The following XRCC2 variants were observed in gnomAD, a reference collection of about 807,000 sequenced individuals.
XRCC2 encodes the protein DNA repair protein XRCC2.
In XRCC2, 24 loss-of-function variants were observed where a neutral mutation model predicts 27.3. The observed-to-expected ratio is 0.88, with a 90% CI of 0.64 to 1.24. XRCC2 has a LOEUF of 1.24. Ranked by LOEUF, XRCC2 falls within the 50% of genes most tolerant of loss-of-function variation. The pLI is 0.00. For missense variants in XRCC2, 321 were observed against 325.8 expected (o/e 0.99, Z 0.11); for synonymous variants, 106 against 115.4 (o/e 0.92, Z 0.52).
chr7:152,652,862 G>C (rs965384440), intron 2 of XRCC2, among the ~76,000 whole-genome samples: 22 of 152,322 alleles, frequency 1.4e-4, no homozygotes, highest in African/African-American at 5.1e-4. Context: ...CAGGTGGAGT[G>C]TGTGGCTTTG....
At position 152,648,866 on chromosome 7, in the gene XRCC2, C is replaced by G. The variant is rs779225995; in HGVS notation, c.619G>C (p.Glu207Gln). The G allele has an allele frequency of 8.7e-6, 14 of 1,613,968 alleles. No homozygotes were observed. Among genetic ancestry groups the G allele is most frequent in the Non-Finnish European group, 1.2e-5 (14 of 1,179,874 alleles). The change falls in exon 3 of 3, where the codon GAA becomes CAA. Residue 207 changes from glutamate (E) to glutamine (Q), a missense_variant. Glu to Gln is a conservative substitution (Grantham distance 29). Coordinates refer to ENST00000359321, the MANE Select transcript of XRCC2 (RefSeq NM_005431.2). ...CGTCGAGAGGCATGAGAAGGTTCTT[C>G]TGATGAGCTCGAGGCTTTCTGCATT... ...TIMQKASSSS[E>Q]EPSHASRRLC...
At chr7:152,667,705 C>T (rs941503758) in intron 1 of XRCC2, among the ~76,000 whole-genome samples, 4 of 151,964 alleles carry the variant, frequency 2.6e-5, no homozygotes, top group Non-Finnish European at 4.4e-5. Flanking sequence ...ATAATATTAA[C>T]AATTCACAAG....
At chr7:152,656,958 C>G (rs2098030924) in intron 2 of XRCC2, among the ~76,000 whole-genome samples, 1 of 151,976 alleles carries the variant, frequency 6.6e-6, no homozygotes, top group African/African-American at 2.4e-5. Flanking sequence ...CAGTACAGGC[C>G]AGGTATGGTG....
At chr7:152,674,919 T>C in intron 1 of XRCC2, among the ~76,000 whole-genome samples, 1 of 151,652 alleles carries the variant, frequency 6.6e-6, no homozygotes, top group South Asian at 2.1e-4. Flanking sequence ...CGCTGCCATG[T>C]GCCTTTATTT....
chr7:152,654,234 A>T (rs1590131804), intron 2 of XRCC2, among the ~76,000 whole-genome samples: 3 of 150,654 alleles, frequency 2.0e-5, no homozygotes, highest in East Asian at 3.9e-4. Flanking sequence ...GATGGTAGGT[A>T]ATAAGGGGCT....
chr7:152,664,891 T>C (rs3218448), intron 1 of XRCC2, among the ~76,000 whole-genome samples: 1 of 152,102 alleles, frequency 6.6e-6, no homozygotes, highest in Non-Finnish European at 1.5e-5. Flanking sequence ...ATCCTAGGAA[T>C]TGAGCAAACA....
rs1057521891 is a variant in XRCC2 at position 152,676,030 on chromosome 7, G to T, written c.39+11C>A. The T allele has an allele frequency of 1.2e-6, 2 of 1,613,708 alleles. No individual in the cohort carries two copies. The highest frequency in any genetic ancestry group is 3.3e-5 in the Admixed American group (2 of 60,032). On this transcript the variant is annotated intron_variant, in intron 1 of 2. Coordinates refer to ENST00000359321, the MANE Select transcript of XRCC2 (RefSeq NM_005431.2). ...TCCCATCTCCCTCACTCCCAACCCG[G>T]CGGCTCTCACCTCGGTCCCAGACTC...
chr7:152,670,447 T>G (rs2098037697), intron 1 of XRCC2, among the ~76,000 whole-genome samples: 1 of 152,142 alleles, frequency 6.6e-6, no homozygotes, highest in Admixed American at 6.6e-5. Flanking sequence ...AACCTCCAAC[T>G]ATTTAGAAGT....
chr7:152,672,985 C>A (rs1054352106), intron 1 of XRCC2, among the ~76,000 whole-genome samples: 3 of 152,048 alleles, frequency 2.0e-5, no homozygotes, highest in African/African-American at 7.2e-5. Flanking sequence ...CAAAATACTG[C>A]CCAAATCACT....
intron 2 of XRCC2, among the ~76,000 whole-genome samples, chr7:152,656,068 G>A (rs571784622): frequency 1.3e-5 from 2 of 152,310 alleles, no homozygotes; most frequent in Admixed American, 1.3e-4. Context: ...CCTGCTGAAG[G>A]CATGAGGGGA....
At position 152,647,359 on chromosome 7, in the gene XRCC2, ACT is replaced by A. The variant is rs1159416979; in HGVS notation, c.*1281_*1282del. The A allele has an allele frequency of 1.3e-5, 2 of 149,552 alleles. No individual in the cohort carries two copies. Among genetic ancestry groups the A allele is most frequent in the Non-Finnish European group, 2.9e-5 (2 of 67,974 alleles). 9.3% of individuals were successfully genotyped at this position (149,552 alleles called of 1,614,324 possible). On this transcript the variant is annotated 3_prime_UTR_variant, in exon 3 of 3. Transcript: ENST00000359321. ...CTCCCATTCTGTAAGCTGTCTGTTTACTCTCTTGATAGTTTCTTTTGCTGTGC... is the reference window on the plus strand; with the variant it reads ...CTCCCATTCTGTAAGCTGTCTGTTTACTCTTGATAGTTTCTTTTGCTGTGC...
Position 152,657,472 on chromosome 7 carries a change from G to A in XRCC2, c.121+3229C>T, listed in dbSNP as rs3218485. Among the ~76,000 whole-genome samples the A allele has an allele frequency of 3.3e-3, 508 of 151,820 alleles. 22 individuals are homozygous for A. The East Asian group carries it at 0.089, about 27-fold the overall frequency. ...CCGCCATCATGCCCAGCTAATTTTTGTAGAGATGAGGTTTCACCATGTTGG... is the reference window on the plus strand; with the variant it reads ...CCGCCATCATGCCCAGCTAATTTTTATAGAGATGAGGTTTCACCATGTTGG... On this transcript the variant is annotated intron_variant, in intron 2 of 2. Coordinates refer to ENST00000359321, the MANE Select transcript of XRCC2 (RefSeq NM_005431.2).
chr7:152,675,966 C>A, intron 1 of XRCC2, 75 bp downstream of exon 1: 3 of 1,598,218 alleles, frequency 1.9e-6, no homozygotes, highest in Non-Finnish European at 2.6e-6. Flanking sequence ...CCCAATCCCC[C>A]GGGTTCCCTC....
intron 1 of XRCC2, among the ~76,000 whole-genome samples, chr7:152,663,202 C>T (rs2098034055): frequency 2.6e-5 from 4 of 151,968 alleles, no homozygotes. Flanking sequence ...TAGTTTGATA[C>T]TAAGGTCCTA....
At chr7:152,649,983 G>A (rs540597574) in intron 2 of XRCC2, among the ~76,000 whole-genome samples, 1 of 152,312 alleles carries the variant, frequency 6.6e-6, no homozygotes, top group South Asian at 2.1e-4. Flanking sequence ...AAGGTACCCA[G>A]GACTCTGGGC....
chr7:152,674,754 T>A lies in XRCC2; in HGVS notation c.39+1287A>T, dbSNP rs867547911. Among the ~76,000 whole-genome samples the A allele has an allele frequency of 7.2e-3, 801 of 110,988 alleles. 62 individuals carry two copies. The highest frequency in any genetic ancestry group is 0.029 in the African/African-American group (750 of 26,074). 72.8% of individuals were successfully genotyped at this position (110,988 alleles called of 152,430 possible). A position where few individuals can be genotyped will look rare whatever the true frequency, so the allele number is the denominator to read the frequency against. On this transcript the variant is annotated intron_variant, in intron 1 of 2. Coordinates refer to ENST00000359321, the MANE Select transcript of XRCC2 (RefSeq NM_005431.2). ...TATTATATATAAATATATTTTTAAATATATATTATATATAAATATATTTTT... is the reference window on the plus strand; with the variant it reads ...TATTATATATAAATATATTTTTAAAAATATATTATATATAAATATATTTTT...
intron 2 of XRCC2, among the ~76,000 whole-genome samples, chr7:152,656,497 GATAA>G (rs2098030755): frequency 6.6e-6 from 1 of 152,110 alleles, no homozygotes; most frequent in African/African-American, 2.4e-5. Context: ...TTCTATTGTT[GATAA>G]ATAATCTTTA....
At chr7:152,660,346 C>G (rs550486428) in intron 2 of XRCC2, among the ~76,000 whole-genome samples, 1 of 152,226 alleles carries the variant, frequency 6.6e-6, no homozygotes, top group Non-Finnish European at 1.5e-5. Context: ...GTAAGTTTTC[C>G]CTGTTGTAGA....
rs2098039776 is a variant in XRCC2, at chr7:152,674,717, T to TA, written c.39+1323_39+1324insT. Among the ~76,000 whole-genome samples, 5 of 68,096 alleles carry TA rather than the reference T, an allele frequency of 7.3e-5. 1 individual carries two copies. The highest frequency in any genetic ancestry group is 4.4e-4 in the South Asian group (1 of 2,272). 44.7% of individuals were successfully genotyped at this position (68,096 alleles called of 152,430 possible). On this transcript the variant is annotated intron_variant, in intron 1 of 2. Coordinates refer to ENST00000359321, the MANE Select transcript of XRCC2 (RefSeq NM_005431.2). ...TTTAAATATATATTTATATAATATA[T>TA]TTTTAAATATATATTATATATAAAT... is the stretch of plus-strand genomic sequence containing the variant.
Sources: gnomAD v4.1 joint callset for allele counts (sites outside exome capture counted in the v4.1 genomes callset) on GRCh38, gnomAD v4.1.1 for gene constraint, MANE v1.5 for transcripts, NCBI Gene and HGNC (gene_info 2026-07-23, HGNC 2026-07-21) for gene names.